LINGO1: variants seen among roughly 807,000 people sequenced by gnomAD.
The protein encoded by LINGO1 is leucine-rich repeat and immunoglobulin-like domain-containing nogo receptor-interacting protein 1.
LINGO1 carries 11 observed loss-of-function variants against 37.3 expected under a neutral mutation model. The observed-to-expected ratio is 0.29, with a 90% CI of 0.19 to 0.49. The LOEUF is 0.49. Ranked by LOEUF, LINGO1 falls within the 20% of genes least tolerant of loss-of-function variation. The pLI, the probability that LINGO1 is intolerant of heterozygous loss-of-function variation, is 0.99. For synonymous variants in LINGO1, 387 were observed against 403.0 expected, an observed-to-expected ratio of 0.96 and a Z score of 0.48; for missense variants, 585 against 878.2, an observed-to-expected ratio of 0.67 and a Z score of 4.22.
upstream of LINGO1, among the ~76,000 whole-genome samples, chr15:77,635,076 AG>A (rs2074370343): frequency 6.6e-6 from 1 of 152,272 alleles, no homozygotes; most frequent in African/African-American, 2.4e-5. Context: ...GTGCTACCGG[AG>A]GAAGCTGGGG....
intron 1 of LINGO1, among the ~76,000 whole-genome samples, chr15:77,785,988 C>T (rs909384683): frequency 6.6e-6 from 1 of 152,156 alleles, no homozygotes; most frequent in Non-Finnish European, 1.5e-5. Context: ...GCACAGAGAA[C>T]TCCCACTGAG....
chr15:77,742,350 T>C (rs1472460943), intron 1 of LINGO1, among the ~76,000 whole-genome samples: 5 of 152,184 alleles, frequency 3.3e-5, no homozygotes, highest in African/African-American at 1.2e-4. Context: ...GAACAGAGCC[T>C]CACAGAGCCA....
chr15:77,797,414 G>GA (rs1299446475), intron 1 of LINGO1, among the ~76,000 whole-genome samples: 45 of 151,134 alleles, frequency 3.0e-4, no homozygotes, highest in Non-Finnish European at 5.5e-4. Context: ...CTGTGTATTG[G>GA]AAAAAAAAAC....
At chr15:77,644,648 G>A (rs1192829431) in intron 3 of LINGO1, among the ~76,000 whole-genome samples, 2 of 152,190 alleles carry the variant, frequency 1.3e-5, no homozygotes, top group Non-Finnish European at 2.9e-5. Flanking sequence ...GGCTGAGCCC[G>A]GGTCAGCCTC....
intron 1 of LINGO1, among the ~76,000 whole-genome samples, chr15:77,769,177 G>T (rs552836180): frequency 1.4e-3 from 217 of 152,340 alleles, no homozygotes; most frequent in Non-Finnish European, 2.8e-3. Context: ...ACAGGGTGGG[G>T]CCCAGGGTGG....
rs149236419 is a variant in LINGO1, at chr15:77,712,115, C to T, written c.-194-21214G>A. ...CTGTCTGTCCTGCCCTGCACCTCAA[C>T]CCTTGCATCCTTCTAGGTGACTTCC... On this transcript the variant is annotated intron_variant, in intron 2 of 3. Transcript: ENST00000561686. Among the ~76,000 whole-genome samples the T allele has an allele frequency of 3.5e-3, 539 of 152,306 alleles. 7 individuals carry two copies. Among genetic ancestry groups the T allele is most frequent in the Non-Finnish European group, 2.3e-3 (155 of 68,012 alleles).
At chr15:77,664,499 G>C (rs1248648089) in intron 3 of LINGO1, among the ~76,000 whole-genome samples, 2 of 152,138 alleles carry the variant, frequency 1.3e-5, no homozygotes, top group Admixed American at 6.5e-5. Context: ...AGGTTCCCCA[G>C]GCGCTTCCCT....
intron 2 of LINGO1, among the ~76,000 whole-genome samples, chr15:77,678,512 A>G (rs2075364057): frequency 6.6e-6 from 1 of 152,174 alleles, no homozygotes; most frequent in Admixed American, 6.5e-5. Flanking sequence ...TTGAATCAGA[A>G]TGTCTTTCTT....
intron 3 of LINGO1, among the ~76,000 whole-genome samples, chr15:77,665,743 G>A (rs918196406): frequency 6.6e-6 from 1 of 152,214 alleles, no homozygotes; most frequent in Non-Finnish European, 1.5e-5. Context: ...GAGCTGACCC[G>A]CCTCCAGGCT....
intron 1 of LINGO1, among the ~76,000 whole-genome samples, chr15:77,744,919 C>T (rs887109180): frequency 1.2e-4 from 18 of 150,936 alleles, no homozygotes; most frequent in African/African-American, 3.7e-4. Context: ...AATTTGAGAC[C>T]GGCCTGGCCA....
intron 2 of LINGO1, among the ~76,000 whole-genome samples, chr15:77,704,441 G>C (rs1037193753): frequency 2.6e-5 from 4 of 151,936 alleles, no homozygotes; most frequent in African/African-American, 9.7e-5. Context: ...TCCCGACCCT[G>C]GTCAGACACT....
chr15:77,631,644 T>C (rs2141076293), intron 1 of LINGO1, among the ~76,000 whole-genome samples: 1 of 152,358 alleles, frequency 6.6e-6, no homozygotes, highest in Middle Eastern at 3.4e-3. Context: ...CCACCCGCTC[T>C]GCCTTAGAAT....
intron 1 of LINGO1, among the ~76,000 whole-genome samples, chr15:77,785,784 C>T (rs958496992): frequency 5.3e-5 from 8 of 152,202 alleles, no homozygotes; most frequent in African/African-American, 1.9e-4. Flanking sequence ...CTCCAGGAAG[C>T]CCTCCCTGAC....
At chr15:77,625,673 C>T (rs987970350) in intron 1 of LINGO1, among the ~76,000 whole-genome samples, 1 of 152,180 alleles carries the variant, frequency 6.6e-6, no homozygotes. Flanking sequence ...TGCACCTTGC[C>T]TAAAGTCCCG....
At chr15:77,738,242 C>G (rs1277736936) in intron 1 of LINGO1, among the ~76,000 whole-genome samples, 2 of 152,114 alleles carry the variant, frequency 1.3e-5, no homozygotes, top group Non-Finnish European at 2.9e-5. Flanking sequence ...TTGCCTCCAC[C>G]TCTGGCCCCA....
chr15:77,805,446 A>T (rs1478519427), intron 1 of LINGO1, among the ~76,000 whole-genome samples: 1 of 152,168 alleles, frequency 6.6e-6, no homozygotes, highest in Non-Finnish European at 1.5e-5. Flanking sequence ...CCAGAGTCTG[A>T]TGCTTTGTGG....
At chr15:77,652,850 A>G (rs1481641312) in intron 3 of LINGO1, among the ~76,000 whole-genome samples, 1 of 152,076 alleles carries the variant, frequency 6.6e-6, no homozygotes, top group African/African-American at 2.4e-5. Context: ...TCCTGGAGGG[A>G]GTGTGCCTCT....
At chr15:77,724,468 T>C (rs1289834890) in intron 2 of LINGO1, among the ~76,000 whole-genome samples, 2 of 152,028 alleles carry the variant, frequency 1.3e-5, no homozygotes, top group African/African-American at 4.8e-5. Flanking sequence ...TCGAACACAT[T>C]CCCCCAGCTG....
chr15:77,655,932 G>A (rs1458456897), intron 3 of LINGO1, among the ~76,000 whole-genome samples: 8 of 152,192 alleles, frequency 5.3e-5, no homozygotes, highest in Non-Finnish European at 1.0e-4. Context: ...CCCCGGTCAC[G>A]TGGAGTTCCA....
Sources: allele counts gnomAD v4.1 joint callset (sites outside exome capture counted in the v4.1 genomes callset), GRCh38; gene constraint gnomAD v4.1.1; transcripts MANE v1.5; gene names NCBI Gene and HGNC (gene_info 2026-07-23, HGNC 2026-07-21).